Variants in SLCO6A1 observed in about 807,000 individuals in gnomAD.
SLCO6A1 encodes solute carrier organic anion transporter family member 6A1, also known as cancer/testis antigen 48.
A neutral mutation model predicts 72.7 loss-of-function variants in SLCO6A1; 65 were observed. That is an observed-to-expected ratio of 0.89 (90% CI 0.73 to 1.10). SLCO6A1 has a LOEUF of 1.10. Among genes scored for constraint, SLCO6A1 ranks in the 50% least tolerant of loss-of-function variants. SLCO6A1 has a pLI of 0.00. For synonymous variants in SLCO6A1, 314 were observed against 298.2 expected (o/e 1.05, Z -0.55); for missense variants, 874 against 872.6 (o/e 1.00, Z -0.02).
At chr5:102,409,256 T>G (rs943386688) in intron 9 of SLCO6A1, among the ~76,000 whole-genome samples, 1 of 152,144 alleles carries the variant, frequency 6.6e-6, no homozygotes, top group South Asian at 2.1e-4. Context: ...GGTATAGTAT[T>G]TCCTACTACT....
Position 102,409,207 on chromosome 5 carries a change from A to G in SLCO6A1, c.1626+3783T>C, listed in dbSNP as rs202091062. On this transcript the variant is annotated intron_variant, in intron 9 of 13. Transcript: ENST00000506729. The stretch of plus-strand genomic sequence containing the variant: ...GCAGATATCTATTTTCAGTTTTAGT[A>G]CAGCTGTACTTTTCTAGAGAAACCT... Among the ~76,000 whole-genome samples, 3 of 151,654 alleles carry G rather than the reference A, an allele frequency of 2.0e-5. No individual in the cohort carries two copies. The East Asian group carries it at 5.8e-4, about 29-fold the overall frequency.
chr5:102,416,860 A>G (rs1395092697), intron 8 of SLCO6A1, among the ~76,000 whole-genome samples: 3 of 152,178 alleles, frequency 2.0e-5, no homozygotes, highest in African/African-American at 4.8e-5. Context: ...ACAAATGTCA[A>G]TTAAGACAGT....
intron 9 of SLCO6A1, among the ~76,000 whole-genome samples, chr5:102,402,364 G>C (rs1747446199): frequency 6.6e-6 from 1 of 152,156 alleles, no homozygotes; most frequent in Non-Finnish European, 1.5e-5. Context: ...AAGTATTCTT[G>C]AGTCTGAAAA....
At chr5:102,467,411 A>T (rs973158391) in intron 4 of SLCO6A1, among the ~76,000 whole-genome samples, 2 of 147,090 alleles carry the variant, frequency 1.4e-5, no homozygotes, top group African/African-American at 2.5e-5. Flanking sequence ...GAATCTCTTT[A>T]AAAAAAAAAA....
chr5:102,454,719 T>A (rs564115602), intron 6 of SLCO6A1, among the ~76,000 whole-genome samples: 1 of 151,934 alleles, frequency 6.6e-6, no homozygotes, highest in South Asian at 2.1e-4. Flanking sequence ...CTTAAAACAC[T>A]CATGTTTAAA....
At chr5:102,484,292 G>T (rs145961679) in intron 1 of SLCO6A1, among the ~76,000 whole-genome samples, 1 of 152,216 alleles carries the variant, frequency 6.6e-6, no homozygotes, top group Non-Finnish European at 1.5e-5. Context: ...ATCTTTGAGG[G>T]TTCGTTAGTT....
chr5:102,425,086 C>T (rs1434494870), intron 7 of SLCO6A1, among the ~76,000 whole-genome samples: 3 of 152,146 alleles, frequency 2.0e-5, no homozygotes, highest in Non-Finnish European at 4.4e-5. Flanking sequence ...ATGCTAAAAA[C>T]ACTCAATAAA....
At chr5:102,447,941 T>C (rs2112713657) in intron 6 of SLCO6A1, among the ~76,000 whole-genome samples, 1 of 152,202 alleles carries the variant, frequency 6.6e-6, no homozygotes, top group Admixed American at 6.5e-5. Context: ...CTCTTGTTTT[T>C]AGTTTCCCTA....
At chr5:102,427,869 T>A (rs1187232655) in intron 7 of SLCO6A1, among the ~76,000 whole-genome samples, 1,491 of 100,862 alleles carry the variant, frequency 0.015, 9 homozygotes, top group African/African-American at 0.028. Context: ...TATATATTTT[T>A]TTTTTTTTTT....
chr5:102,433,136 T>C (rs1446090295), intron 7 of SLCO6A1, among the ~76,000 whole-genome samples: 1 of 152,190 alleles, frequency 6.6e-6, no homozygotes, highest in East Asian at 1.9e-4. Flanking sequence ...GTTATGTTCT[T>C]TTCTATACTG....
At chr5:102,484,081 C>A (rs1340420236) in intron 1 of SLCO6A1, among the ~76,000 whole-genome samples, 2 of 152,322 alleles carry the variant, frequency 1.3e-5, no homozygotes, top group East Asian at 3.9e-4. Flanking sequence ...AAAGGTTCCA[C>A]CACAAGAGTC....
chr5:102,489,596 G>A (rs1259803182), intron 1 of SLCO6A1, among the ~76,000 whole-genome samples: 1 of 151,950 alleles, frequency 6.6e-6, no homozygotes, highest in African/African-American at 2.4e-5. Flanking sequence ...AAAGACAGAA[G>A]ATATGTATTA....
chr5:102,465,941 C>T (rs1050264542), intron 4 of SLCO6A1, among the ~76,000 whole-genome samples: 2 of 152,092 alleles, frequency 1.3e-5, no homozygotes, highest in African/African-American at 4.8e-5. Context: ...CCTGTCTCTA[C>T]TATACAGCAG....
At chr5:102,377,754 C>A (rs935801184) in intron 12 of SLCO6A1, among the ~76,000 whole-genome samples, 9 of 152,048 alleles carry the variant, frequency 5.9e-5, no homozygotes, top group Admixed American at 5.9e-4. Context: ...TCACCGCAAT[C>A]TCCACCTCCC....
chr5:102,432,729 A>C (rs1020381328), intron 7 of SLCO6A1, among the ~76,000 whole-genome samples: 3 of 152,044 alleles, frequency 2.0e-5, no homozygotes, highest in Non-Finnish European at 2.9e-5. Flanking sequence ...TTGAAGTTGG[A>C]GAATCCTATG....
At position 102,432,914 on chromosome 5, in the gene SLCO6A1, T is replaced by C. The variant is rs114354251; in HGVS notation, c.1276+5703A>G. On this transcript the variant is annotated intron_variant, in intron 7 of 13. Coordinates refer to ENST00000506729, the MANE Select transcript of SLCO6A1 (RefSeq NM_173488.5). ...TATCTCTTTCAGGGATGATAGTGAA[T>C]TGTAGATTTGGTCTCTTTACATAAT... Among the ~76,000 whole-genome samples the C allele has an allele frequency of 7.2e-3, 1,099 of 152,328 alleles. 12 individuals are homozygous for C. The highest frequency in any genetic ancestry group is 0.025 in the African/African-American group (1,029 of 41,566).
intron 6 of SLCO6A1, among the ~76,000 whole-genome samples, chr5:102,443,356 T>C (rs1359857252): frequency 1.3e-5 from 2 of 152,222 alleles, no homozygotes; most frequent in Non-Finnish European, 1.5e-5. Flanking sequence ...TCTTTCTCAA[T>C]GGCCCTTTGT....
intron 1 of SLCO6A1, among the ~76,000 whole-genome samples, chr5:102,489,910 T>C (rs185298368): frequency 2.0e-5 from 3 of 152,246 alleles, no homozygotes; most frequent in African/African-American, 7.2e-5. Context: ...ATATTGTTCA[T>C]CCATAAAAAA....
intron 1 of SLCO6A1, among the ~76,000 whole-genome samples, chr5:102,483,247 A>T (rs1023187676): frequency 1.3e-5 from 2 of 152,176 alleles, no homozygotes; most frequent in African/African-American, 4.8e-5. Context: ...AGCCTTTCTA[A>T]TTACCAAATG....
Sources: allele counts gnomAD v4.1 joint callset (sites outside exome capture counted in the v4.1 genomes callset), GRCh38; gene constraint gnomAD v4.1.1; transcripts MANE v1.5; gene names NCBI Gene and HGNC (gene_info 2026-07-23, HGNC 2026-07-21).